The following OTULINL variants were observed in gnomAD, a reference collection of about 807,000 sequenced individuals.
OTULINL encodes OTU deubiquitinase with linear linkage specificity like.
Under a neutral mutation model 43.9 loss-of-function variants are expected in OTULINL, and 42 were observed. That is an observed-to-expected ratio of 0.96 (90% confidence interval 0.75 to 1.24). The LOEUF (loss-of-function observed/expected upper bound fraction) is 1.24, where lower values mean the gene tolerates loss of function less well. OTULINL is among the 50% of genes most tolerant of loss of function. The pLI is 0.00. For missense variants in OTULINL, 411 were observed against 426.4 expected (o/e 0.96, Z 0.32); for synonymous variants, 172 against 153.6 (o/e 1.12, Z -0.88).
chr5:14,601,485 T>C lies in OTULINL; in HGVS notation c.348+43T>C, dbSNP rs377313258. 3.9e-6 allele frequency: 6 copies of C among 1,531,982 alleles called. No individual in the cohort carries two copies. In the African/African-American group the frequency reaches 4.1e-5, roughly 11 times the overall value. 94.9% of individuals were successfully genotyped at this position (1,531,982 alleles called of 1,614,324 possible). On this transcript the variant is annotated intron_variant, in intron 4 of 7. Coordinates refer to ENST00000274217, the MANE Select transcript of OTULINL (RefSeq NM_019018.3). Reference sequence around the variant, plus strand: ...GGGTATGGGAGAAATAGAGTTTGTCTGTCAAAATCAGGAAACAAACATTCC... The same window carrying C: ...GGGTATGGGAGAAATAGAGTTTGTCCGTCAAAATCAGGAAACAAACATTCC...
chr5:14,601,360 G>A lies in OTULINL; in HGVS notation c.266G>A (p.Ser89Asn). The A allele has an allele frequency of 6.2e-7, 1 of 1,614,106 alleles. No individual in the cohort carries two copies. The highest frequency in any genetic ancestry group is 1.1e-5 in the South Asian group (1 of 91,076). Residue 89 changes from serine to asparagine, a missense_variant, in exon 4 of 8, where the codon AGT (serine) becomes AAT (asparagine). Coordinates refer to ENST00000274217, the MANE Select transcript of OTULINL (RefSeq NM_019018.3). ...YLQRKFKRNLSVEAEVDLLSY... is the reference protein window; with the variant it reads ...YLQRKFKRNLNVEAEVDLLSY... ...TTTTTATTTGGTCCAGGGAACCTCA[G>A]TGTGGAGGCAGAGGTTGATTTACTC...
intron 1 of OTULINL, among the ~76,000 whole-genome samples, chr5:14,597,894 T>C (rs1453242008): frequency 6.6e-6 from 1 of 152,182 alleles, no homozygotes; most frequent in African/African-American, 2.4e-5. Context: ...TCTAGGTTTT[T>C]TTTTCTGACG....
Position 14,581,824 on chromosome 5 carries a change from CGG to C in OTULINL, c.-70_-69del, listed in dbSNP as rs1397284018. 11 of 1,235,034 alleles carry C rather than the reference CGG, an allele frequency of 8.9e-6. No individual in the cohort carries two copies. The East Asian group carries it at 3.3e-4, about 38-fold the overall frequency. 76.5% of individuals were successfully genotyped at this position (1,235,034 alleles called of 1,614,324 possible). On this transcript the variant is annotated 5_prime_UTR_variant, in exon 1 of 8. Coordinates refer to ENST00000274217, the MANE Select transcript of OTULINL (RefSeq NM_019018.3). ...GGAAGCGAGCCCGGGCGCCGGCGGG[CGG>C]CCGTCGCGTCTGACAGACCACTGCA...
chr5:14,594,208 G>C (rs1759250272), intron 1 of OTULINL, among the ~76,000 whole-genome samples: 1 of 152,166 alleles, frequency 6.6e-6, no homozygotes, highest in Non-Finnish European at 1.5e-5. Context: ...TCACACTGCT[G>C]TGCTAACTTC....
At position 14,608,781 on chromosome 5, in the gene OTULINL, A is replaced by AGAGGATATT; in HGVS notation, c.661_662insGAGGATATT (p.Lys221delinsArgGlyTyrTer). On this transcript the variant is annotated stop_gained and protein_altering_variant, in exon 7 of 8. Transcript: ENST00000274217. LOFTEE classifies it high-confidence loss of function. ...ATTTAATGGCATTAGAGATTATCAC[A>AGAGGATATT]AGAGAGGAAGTATGTGCAACACCCT... 6.2e-7 allele frequency: 1 copy of AGAGGATATT among 1,611,780 alleles called. No individual in the cohort carries two copies. The highest frequency in any genetic ancestry group is 8.5e-7 in the Non-Finnish European group (1 of 1,178,156).
intron 4 of OTULINL, 101 bp downstream of exon 4, chr5:14,601,543 T>C: frequency 9.5e-7 from 1 of 1,048,512 alleles, no homozygotes; most frequent in Non-Finnish European, 1.4e-6. Flanking sequence ...TATCCATCAG[T>C]ACCAAAATGT....
At chr5:14,596,496 G>A (rs1759290287) in intron 1 of OTULINL, among the ~76,000 whole-genome samples, 1 of 152,268 alleles carries the variant, frequency 6.6e-6, no homozygotes, top group Non-Finnish European at 1.5e-5. Context: ...GTTTTCTTCT[G>A]TATCATTTTT....
intron 1 of OTULINL, among the ~76,000 whole-genome samples, chr5:14,592,851 C>T (rs1319150827): frequency 2.6e-5 from 4 of 152,170 alleles, no homozygotes; most frequent in Admixed American, 1.3e-4. Context: ...GCCTCTTGAA[C>T]GGGACCTTCA....
rs578031333 is a variant in OTULINL, at chr5:14,612,299, A to C, written c.*1985A>C. On this transcript the variant is annotated 3_prime_UTR_variant, in exon 8 of 8. Coordinates refer to ENST00000274217, the MANE Select transcript of OTULINL (RefSeq NM_019018.3). ...CCAGAAGTGTACCTGACATTTGTGT[A>C]TTACCACTCACCTTGGATCTCCTTA... The C allele has an allele frequency of 2.0e-5, 3 of 152,368 alleles. No homozygotes were observed. Among genetic ancestry groups the C allele is most frequent in the African/African-American group, 7.2e-5 (3 of 41,584 alleles). 9.4% of individuals were successfully genotyped at this position (152,368 alleles called of 1,614,324 possible). A position where few individuals can be genotyped will look rare whatever the true frequency, so the allele number is the denominator to read the frequency against.
At chr5:14,596,108 C>G (rs1333509150) in intron 1 of OTULINL, among the ~76,000 whole-genome samples, 1 of 152,208 alleles carries the variant, frequency 6.6e-6, no homozygotes, top group African/African-American at 2.4e-5. Context: ...GGACCTGAGG[C>G]TCCTACTGTC....
rs148336446 is a variant in OTULINL at position 14,584,673 on chromosome 5, A to G, written c.64+2715A>G. Reference sequence around the variant, plus strand: ...ACTATTATTAATATTACCTTCTACTATGAAGTAGCTGTTATTTTTTAACCT... The same window carrying G: ...ACTATTATTAATATTACCTTCTACTGTGAAGTAGCTGTTATTTTTTAACCT... On this transcript the variant is annotated intron_variant, in intron 1 of 7. Coordinates refer to ENST00000274217, the MANE Select transcript of OTULINL (RefSeq NM_019018.3). Among the ~76,000 whole-genome samples the G allele has an allele frequency of 2.6e-5, 4 of 152,302 alleles. No homozygotes were observed. In the East Asian group the frequency reaches 7.7e-4, roughly 29 times the overall value.
rs1442618503 is a variant in OTULINL, at chr5:14,610,305, A to G, written c.1062A>G (p.Pro354=). The G allele has an allele frequency of 1.2e-6, 2 of 1,612,564 alleles. No homozygotes were observed. The highest frequency in any genetic ancestry group is 1.1e-5 in the South Asian group (1 of 91,002). ...LTENDRHYHI[P]VF ...AGAACGACCGCCACTACCACATTCC[A>G]GTCTTTTAAGTCCGCTGGGGGCCGA... The change falls in exon 8 of 8, where the codon CCA becomes CCG. Residue 354 remains proline (P), a synonymous_variant. Transcript: ENST00000274217.
At position 14,613,423 on chromosome 5, in the gene OTULINL, C is replaced by T. The variant is rs1317670401; in HGVS notation, c.*3109C>T. On this transcript the variant is annotated 3_prime_UTR_variant, in exon 8 of 8. Transcript: ENST00000274217. ...CATACCTCTTCTAATCTGAGTATTT[C>T]CTCTGGGCTTAAAAGAGCCTCAGTG... Among the ~76,000 whole-genome samples the T allele has an allele frequency of 6.6e-6, 1 of 152,094 alleles. No homozygotes were observed. The highest frequency in any genetic ancestry group is 1.5e-5 in the Non-Finnish European group (1 of 68,024).
chr5:14,588,982 G>A lies in OTULINL; in HGVS notation c.64+7024G>A, dbSNP rs1381162816. On this transcript the variant is annotated intron_variant, in intron 1 of 7. Transcript: ENST00000274217. ...CTTAATCTCGATGGGAGGAGAGAAC[G>A]GACCCTGGGGGAAGCTGGCAGTCTC... 6.6e-5 allele frequency among the ~76,000 whole-genome samples: 10 copies of A among 152,232 alleles called. 1 individual carries two copies. The highest frequency in any genetic ancestry group is 3.9e-4 in the East Asian group (2 of 5,182).
chr5:14,597,695 C>T (rs768911451), intron 1 of OTULINL, among the ~76,000 whole-genome samples: 3 of 152,066 alleles, frequency 2.0e-5, no homozygotes, highest in African/African-American at 7.3e-5. Flanking sequence ...CATGGCTATA[C>T]GGCCATGGCC....
chr5:14,604,493 A>G (rs1424331095), intron 5 of OTULINL, among the ~76,000 whole-genome samples: 1 of 152,212 alleles, frequency 6.6e-6, no homozygotes, highest in African/African-American at 2.4e-5. Context: ...TCATTTCAGC[A>G]TTAACTCAAA....
rs1279745888 is a variant in OTULINL, at chr5:14,612,968, G to A, written c.*2654G>A. Reference sequence around the variant, plus strand: ...ACGGAGTTTCACTCTTTTTGCTCAGGCTGCAGTGCAGTGGCACAATCTCGG... The same window carrying A: ...ACGGAGTTTCACTCTTTTTGCTCAGACTGCAGTGCAGTGGCACAATCTCGG... On this transcript the variant is annotated 3_prime_UTR_variant, in exon 8 of 8. Coordinates refer to ENST00000274217, the MANE Select transcript of OTULINL (RefSeq NM_019018.3). Among the ~76,000 whole-genome samples, 1 of 151,816 alleles carries A rather than the reference G, an allele frequency of 6.6e-6. No homozygotes were observed. The highest frequency in any genetic ancestry group is 6.6e-5 in the Admixed American group (1 of 15,232).
intron 5 of OTULINL, among the ~76,000 whole-genome samples, chr5:14,605,401 C>T (rs955362968): frequency 7.8e-4 from 3 of 3,828 alleles, no homozygotes; most frequent in South Asian, 9.4e-3. Context: ...TGTAATGGGG[C>T]GGGTGGGGGG....
chr5:14,606,326 C>T (rs2126784228), intron 5 of OTULINL, among the ~76,000 whole-genome samples: 1 of 152,292 alleles, frequency 6.6e-6, no homozygotes, highest in African/African-American at 2.4e-5. Context: ...TCACCTCCCA[C>T]CAGGTCCCTC....
Sources: allele counts gnomAD v4.1 joint callset (sites outside exome capture counted in the v4.1 genomes callset), GRCh38; gene constraint gnomAD v4.1.1; transcripts MANE v1.5; gene names NCBI Gene and HGNC (gene_info 2026-07-23, HGNC 2026-07-21).